The following FRMPD2 variants were observed in gnomAD, a reference collection of about 807,000 sequenced individuals.
FRMPD2 encodes FERM and PDZ domain-containing protein 2.
FRMPD2 carries 96 observed loss-of-function variants against 140.1 expected under a neutral mutation model. The ratio of observed to expected loss-of-function variants is 0.69; its 90% CI spans 0.58 to 0.81. The LOEUF is 0.81. Among genes scored for constraint, FRMPD2 ranks in the 40% least tolerant of loss-of-function variants. The probability of loss-of-function intolerance (pLI) is 0.00; values close to 1 mark genes in which losing one functional copy is unlikely to be tolerated. For missense variants in FRMPD2, 1,240 were observed against 1,447.4 expected (o/e 0.86, Z 2.32); for synonymous variants, 449 against 547.6 (o/e 0.82, Z 2.52).
At chr10:48,247,945 A>G (rs535463151) in intron 3 of FRMPD2, among the ~76,000 whole-genome samples, 1 of 151,792 alleles carries the variant, frequency 6.6e-6, no homozygotes, top group African/African-American at 2.4e-5. Flanking sequence ...TTCAGGGGGG[A>G]GGGGGTGCTG....
At position 48,242,175 on chromosome 10, in the gene FRMPD2, C is replaced by T. The variant is rs150490776; in HGVS notation, c.553G>A (p.Gly185Ser). 1.2e-5 allele frequency: 19 copies of T among 1,612,746 alleles called. No homozygotes were observed. Among genetic ancestry groups the T allele is most frequent in the Non-Finnish European group, 1.6e-5 (19 of 1,179,280 alleles). The change falls in exon 5 of 29, where the codon GGT becomes AGT. Residue 185 changes from glycine (G) to serine (S), a missense_variant. By Grantham distance (56) the Gly-to-Ser change is moderately conservative (BLOSUM62 0). This residue lies in a region of FRMPD2 where 1,161 missense variants were observed against 1,055.9 expected (regional missense o/e 1.10). Transcript: ENST00000374201. Reference sequence around the variant, plus strand: ...TCTCTACTGACCTCAGAAATGGTACCCAGAACCAAGCCAACCAGCCTTCTG... The same window carrying T: ...TCTCTACTGACCTCAGAAATGGTACTCAGAACCAAGCCAACCAGCCTTCTG... ...HIRRLVGLVL[G>S]TISEVEKRVV...
intron 1 of FRMPD2, among the ~76,000 whole-genome samples, chr10:48,271,795 G>A (rs1588865129): frequency 6.6e-6 from 1 of 152,228 alleles, no homozygotes; most frequent in Non-Finnish European, 1.5e-5. Flanking sequence ...AATGAGAATA[G>A]AAAAGCATAG....
chr10:48,267,236 C>T (rs1224912246), intron 1 of FRMPD2, among the ~76,000 whole-genome samples: 1 of 152,154 alleles, frequency 6.6e-6, no homozygotes, highest in African/African-American at 2.4e-5. Context: ...CAAGATGATT[C>T]AGATGTCAGA....
chr10:48,215,668 C>T (rs920437046), intron 12 of FRMPD2, among the ~76,000 whole-genome samples: 1 of 152,134 alleles, frequency 6.6e-6, no homozygotes, highest in African/African-American at 2.4e-5. Flanking sequence ...GCAGAGAGCA[C>T]CTCAGAAATG....
At chr10:48,220,284 A>C (rs1839552432) in intron 12 of FRMPD2, among the ~76,000 whole-genome samples, 1 of 152,206 alleles carries the variant, frequency 6.6e-6, no homozygotes, top group South Asian at 2.1e-4. Context: ...AATAAAGCCA[A>C]ATACTTACAA....
chr10:48,202,476 C>G (rs769220729), intron 14 of FRMPD2, among the ~76,000 whole-genome samples: 1 of 152,198 alleles, frequency 6.6e-6, no homozygotes, highest in Non-Finnish European at 1.5e-5. Flanking sequence ...AGATAAGTTT[C>G]TCATTCTCTG....
intron 26 of FRMPD2, among the ~76,000 whole-genome samples, 176 bp downstream of exon 26, chr10:48,170,818 G>A (rs1214852551): frequency 6.6e-6 from 1 of 151,776 alleles, no homozygotes; most frequent in Non-Finnish European, 1.5e-5. Context: ...TTTAAAAACA[G>A]AGATTTTAAA....
chr10:48,231,729 C>A (rs1405815929), intron 10 of FRMPD2, among the ~76,000 whole-genome samples: 3 of 152,238 alleles, frequency 2.0e-5, no homozygotes, highest in African/African-American at 4.8e-5. Flanking sequence ...GTATAGAAAC[C>A]CTTTTTCTTG....
chr10:48,198,862 C>G (rs1256019823), intron 15 of FRMPD2, among the ~76,000 whole-genome samples: 1 of 152,074 alleles, frequency 6.6e-6, no homozygotes, highest in African/African-American at 2.4e-5. Flanking sequence ...GGATTGTGTT[C>G]TTGATTTCAC....
At chr10:48,262,973 C>T (rs1045990690) in intron 1 of FRMPD2, among the ~76,000 whole-genome samples, 9 of 152,136 alleles carry the variant, frequency 5.9e-5, no homozygotes, top group African/African-American at 2.2e-4. Context: ...AGATTTGGTT[C>T]TGTCAGTAGA....
chr10:48,183,000 G>C (rs951864777), intron 20 of FRMPD2, among the ~76,000 whole-genome samples: 2 of 152,186 alleles, frequency 1.3e-5, no homozygotes, highest in Non-Finnish European at 2.9e-5. Flanking sequence ...CCCTGAGAAG[G>C]CTTCAACCCC....
intron 12 of FRMPD2, among the ~76,000 whole-genome samples, chr10:48,220,516 A>T (rs1839559064): frequency 6.6e-6 from 1 of 152,242 alleles, no homozygotes; most frequent in South Asian, 2.1e-4. Flanking sequence ...ACCCTTCTGG[A>T]TATTGGCTTA....
At position 48,242,202 on chromosome 10, in the gene FRMPD2, T is replaced by G. The variant is rs553927223; in HGVS notation, c.526A>C (p.Ile176Leu). The G allele has an allele frequency of 2.3e-5, 37 of 1,614,130 alleles. No individual in the cohort carries two copies. The African/African-American group carries it at 4.5e-4, about 20-fold the overall frequency. ...SVYPAPAGLH[I>L]RRLVGLVLGT... The stretch of plus-strand genomic sequence containing the variant: ...AGAACCAAGCCAACCAGCCTTCTGA[T>G]GTGGAGACCAGCAGGGGCTGGGTAG... The change falls in exon 5 of 29, where the codon ATC (isoleucine) becomes CTC (leucine). Residue 176 changes from isoleucine (I) to leucine (L), a missense_variant. Around this residue, in one of 6 missense-constraint regions of FRMPD2, gnomAD observed 1,161 missense variants for 1,055.9 expected, o/e 1.10. Coordinates refer to ENST00000374201, the MANE Select transcript of FRMPD2 (RefSeq NM_001018071.4).
At chr10:48,184,417 G>A (rs1035942814) in intron 20 of FRMPD2, 149 bp downstream of exon 20, 2 of 563,862 alleles carry the variant, frequency 3.5e-6, no homozygotes, top group African/African-American at 3.8e-5. Flanking sequence ...ATTAATTTGT[G>A]CCACTACACT....
Position 48,240,387 on chromosome 10 carries a change from C to T in FRMPD2, c.673G>A (p.Ala225Thr), listed in dbSNP as rs1298449929. The change falls in exon 6 of 29, where the codon GCC becomes ACC. Residue 225 changes from alanine to threonine, a missense_variant. By Grantham distance (58) the Ala-to-Thr change is moderately conservative. Transcript: ENST00000374201. ...GTSSESPAAQ[A>T]PECLHPCRVS... ...CTGCAAGGATGCAGACACTCCGGGG[C>T]CTGTGCCGCTGGGCTCTCGCTGCTT... 4 of 1,613,006 alleles carry T rather than the reference C, an allele frequency of 2.5e-6. No individual in the cohort carries two copies. In the East Asian group the frequency reaches 6.7e-5, roughly 27 times the overall value.
intron 13 of FRMPD2, among the ~76,000 whole-genome samples, chr10:48,211,074 T>G (rs551548548): frequency 6.6e-6 from 1 of 152,318 alleles, no homozygotes; most frequent in Admixed American, 6.5e-5. Flanking sequence ...CTTGTTCCAT[T>G]GAGTGTTTAT....
At chr10:48,186,430 A>C (rs1262363565) in intron 17 of FRMPD2, among the ~76,000 whole-genome samples, 1 of 152,162 alleles carries the variant, frequency 6.6e-6, no homozygotes, top group Non-Finnish European at 1.5e-5. Flanking sequence ...ATGCTGTGGG[A>C]GGGACCCAGG....
intron 2 of FRMPD2, among the ~76,000 whole-genome samples, chr10:48,250,476 G>C (rs972180238): frequency 1.3e-5 from 2 of 151,892 alleles, no homozygotes; most frequent in Admixed American, 1.3e-4. Flanking sequence ...TCTCAGCTCA[G>C]TGCAATCTCT....
At chr10:48,249,465 T>C (rs1255197025) in intron 2 of FRMPD2, among the ~76,000 whole-genome samples, 1 of 152,218 alleles carries the variant, frequency 6.6e-6, no homozygotes, top group Non-Finnish European at 1.5e-5. Context: ...ACCTGGAATT[T>C]AGCACAAGCC....
Sources: allele counts gnomAD v4.1 joint callset (sites outside exome capture counted in the v4.1 genomes callset), GRCh38; gene constraint gnomAD v4.1.1; regional missense constraint gnomAD v4.1.1; transcripts MANE v1.5; gene names NCBI Gene and HGNC (gene_info 2026-07-23, HGNC 2026-07-21).